The following DNM1L variants were observed in gnomAD, a reference collection of about 807,000 sequenced individuals.
DNM1L encodes the protein dynamin-1-like protein.
A neutral mutation model predicts 92.8 loss-of-function variants in DNM1L; 33 were observed. That is an observed-to-expected ratio of 0.36 (90% CI 0.27 to 0.48). DNM1L has a LOEUF of 0.48. Among genes scored for constraint, DNM1L ranks in the 20% least tolerant of loss-of-function variants. The pLI, the probability that DNM1L is intolerant of heterozygous loss-of-function variation, is 0.99. For synonymous variants in DNM1L, 284 were observed against 305.0 expected (o/e 0.93, Z 0.72); for missense variants, 485 against 888.8 (o/e 0.55, Z 5.78).
intron 1 of DNM1L, among the ~76,000 whole-genome samples, chr12:32,680,552 T>C (rs982888284): frequency 1.3e-5 from 2 of 152,178 alleles, no homozygotes; most frequent in South Asian, 4.1e-4. Context: ...TTTAAATAGT[T>C]GAAGCAATAG....
chr12:32,723,653 C>T (rs1425357033), intron 9 of DNM1L, among the ~76,000 whole-genome samples: 2 of 144,192 alleles, frequency 1.4e-5, no homozygotes, highest in Non-Finnish European at 3.0e-5. Flanking sequence ...GAGATGGTGC[C>T]ACTGCACTCC....
chr12:32,735,787 G>A (rs1954828510), intron 13 of DNM1L, among the ~76,000 whole-genome samples: 1 of 152,018 alleles, frequency 6.6e-6, no homozygotes, highest in South Asian at 2.1e-4. Context: ...GCAGCAGGGA[G>A]AATCCATTGA....
At chr12:32,723,665 G>C (rs10844320) in intron 9 of DNM1L, among the ~76,000 whole-genome samples, 21,924 of 141,248 alleles carry the variant, frequency 0.16, 1,764 homozygotes, top group Middle Eastern at 0.23. Context: ...CTGCACTCCA[G>C]CCTGGGCAAC....
chr12:32,737,590 G>C (rs918205718), intron 14 of DNM1L: 2 of 447,976 alleles, frequency 4.5e-6, no homozygotes, highest in African/African-American at 4.0e-5. Flanking sequence ...CTTTTACCTT[G>C]AATTCTTTGC....
chr12:32,684,915 G>A lies in DNM1L; in HGVS notation c.102+5450G>A, dbSNP rs987174136. On this transcript the variant is annotated intron_variant, in intron 1 of 19. Coordinates refer to ENST00000549701, the MANE Select transcript of DNM1L (RefSeq NM_012062.5). ...AATAAATAATGCTCTGCGAACATTC[G>A]TTTACAAGTTTTTGTGTGAATGTGT... 2.0e-4 allele frequency among the ~76,000 whole-genome samples: 30 copies of A among 150,562 alleles called. 1 individual carries two copies. Among genetic ancestry groups the A allele is most frequent in the African/African-American group, 6.1e-4 (25 of 40,930 alleles).
chr12:32,718,747 A>G lies in DNM1L; in HGVS notation c.724A>G (p.Ile242Val), dbSNP rs2137425119. ...GRVIPVKLGI[I>V]GVVNRSQLDI... ...GGTTATTCCAGTCAAACTTGGAATA[A>G]TTGGAGTAGTTAACAGGTTAGCAGT... Residue 242 changes from isoleucine (I) to valine (V), a missense_variant, in exon 7 of 20, where the codon ATT (isoleucine) becomes GTT (valine). Around this residue, in one of 11 missense-constraint regions of DNM1L, gnomAD observed 159 missense variants for 275.9 expected, o/e 0.58. Coordinates refer to ENST00000549701, the MANE Select transcript of DNM1L (RefSeq NM_012062.5). 6.2e-7 allele frequency: 1 copy of G among 1,613,880 alleles called. No individual in the cohort carries two copies. The highest frequency in any genetic ancestry group is 8.5e-7 in the Non-Finnish European group (1 of 1,179,880).
At chr12:32,730,091 C>T (rs1285263284) in intron 9 of DNM1L, among the ~76,000 whole-genome samples, 2 of 152,088 alleles carry the variant, frequency 1.3e-5, no homozygotes, top group Admixed American at 6.5e-5. Flanking sequence ...TAAGGCTGGG[C>T]GTGGTGGCTC....
Position 32,713,389 on chromosome 12 carries a change from T to C in DNM1L, c.619+18T>C, listed in dbSNP as rs957480374. 14 of 1,612,918 alleles carry C rather than the reference T, an allele frequency of 8.7e-6. No homozygotes were observed. Among genetic ancestry groups the C allele is most frequent in the Non-Finnish European group, 1.2e-5 (14 of 1,179,218 alleles). ...TCCAGATGGTAAGGACAGATGTTAATTTAATGAGATGCTTATTTTACAATG... is the reference window on the plus strand; with the variant it reads ...TCCAGATGGTAAGGACAGATGTTAACTTAATGAGATGCTTATTTTACAATG... On this transcript the variant is annotated intron_variant, in intron 6 of 19. Transcript: ENST00000549701.
chr12:32,739,179 T>C (rs1955110377), intron 16 of DNM1L, among the ~76,000 whole-genome samples: 1 of 152,152 alleles, frequency 6.6e-6, no homozygotes, highest in African/African-American at 2.4e-5. Flanking sequence ...AATATTTTGA[T>C]TCAGAATGAT....
chr12:32,722,553 A>C lies in DNM1L; in HGVS notation c.999A>C (p.Leu333Phe), dbSNP rs1222396350. Residue 333 changes from leucine to phenylalanine, a missense_variant, in exon 9 of 20, where the codon TTA (leucine) becomes TTC (phenylalanine). Leu to Phe is a conservative substitution (Grantham distance 22, BLOSUM62 0). Transcript: ENST00000549701. ...CCGTGGATGATAAAAGTGCTACTTT[A>C]CTCCAACTTATTACCAAATTTGCCA... ...GEPVDDKSAT[L>F]LQLITKFATE... The C allele has an allele frequency of 6.2e-7, 1 of 1,613,488 alleles. No individual in the cohort carries two copies. The highest frequency in any genetic ancestry group is 1.1e-5 in the South Asian group (1 of 91,064).
At position 32,726,268 on chromosome 12, in the gene DNM1L, A is replaced by C; in HGVS notation, c.1079+3635A>C. The C allele has an allele frequency of 3.4e-6, 3 of 893,030 alleles. No individual in the cohort carries two copies. In the Admixed American group the frequency reaches 6.2e-5, roughly 18 times the overall value. The allele number at this position is 893,030 out of a possible 1,614,324, so 55.3% of individuals were successfully genotyped here. A position where few individuals can be genotyped will look rare whatever the true frequency, so the allele number is the denominator to read the frequency against. ...TAAAATATCAGTTTCCTGTCCTTTAAAACAAAAATTACCCAGTCTACCAAG... is the reference window on the plus strand; with the variant it reads ...TAAAATATCAGTTTCCTGTCCTTTACAACAAAAATTACCCAGTCTACCAAG... On this transcript the variant is annotated intron_variant, in intron 9 of 19. Coordinates refer to ENST00000549701, the MANE Select transcript of DNM1L (RefSeq NM_012062.5).
At chr12:32,715,742 A>G (rs1051841548) in intron 6 of DNM1L, among the ~76,000 whole-genome samples, 3 of 152,196 alleles carry the variant, frequency 2.0e-5, no homozygotes, top group African/African-American at 7.2e-5. Flanking sequence ...AAAAAAAGAA[A>G]AATGCTTGTA....
rs1347368948 is a variant in DNM1L, at chr12:32,724,592, AAATATATATAT to A, written c.1079+1961_1079+1971del. On this transcript the variant is annotated intron_variant, in intron 9 of 19. Transcript: ENST00000549701. ...CTCTATCTCCAAAAAAAAAAAAAAA[AAATATATATAT>A]ATATATATATATATATAAATTATAT... Among the ~76,000 whole-genome samples the A allele has an allele frequency of 5.8e-3, 224 of 38,660 alleles. 1 individual carries two copies. The Middle Eastern group carries it at 0.088, about 15-fold the overall frequency. 25.4% of individuals were successfully genotyped at this position (38,660 alleles called of 152,430 possible).
chr12:32,730,320 C>T (rs1354848043), intron 9 of DNM1L, among the ~76,000 whole-genome samples: 2 of 152,170 alleles, frequency 1.3e-5, no homozygotes, highest in African/African-American at 2.4e-5. Context: ...GCCAAGAGCG[C>T]ACCACTGCAC....
intron 1 of DNM1L, chr12:32,679,691 G>A (rs1178623233): frequency 8.1e-7 from 1 of 1,239,764 alleles, no homozygotes; most frequent in African/African-American, 1.6e-5. Context: ...GCCAGGGGCG[G>A]AGCCGGCGCG....
At chr12:32,733,396 C>A in intron 12 of DNM1L, 1 of 262,602 alleles carries the variant, frequency 3.8e-6, no homozygotes, top group Non-Finnish European at 7.3e-6. Context: ...AGCAAAGTTG[C>A]ATAAAGTGTT....
chr12:32,727,159 A>G (rs1445361501), intron 9 of DNM1L: 1 of 816,512 alleles, frequency 1.2e-6, no homozygotes, highest in Non-Finnish European at 2.2e-6. Context: ...TCTGGTTTCC[A>G]TTCACATTCT....
At chr12:32,740,320 A>C (rs1261339994) in intron 17 of DNM1L, 80 bp downstream of exon 17, 2 of 1,611,872 alleles carry the variant, frequency 1.2e-6, no homozygotes, top group Non-Finnish European at 1.7e-6. Context: ...AAGAACTAAA[A>C]GTCTCAAAAA....
intron 16 of DNM1L, among the ~76,000 whole-genome samples, chr12:32,738,724 A>T (rs1278429358): frequency 6.6e-6 from 1 of 152,160 alleles, no homozygotes; most frequent in Non-Finnish European, 1.5e-5. Flanking sequence ...GCTTAAGCAA[A>T]TTAAAAAAAC....
Sources: gnomAD v4.1 joint callset for allele counts (sites outside exome capture counted in the v4.1 genomes callset) on GRCh38, gnomAD v4.1.1 for gene constraint, gnomAD v4.1.1 regional missense constraint, MANE v1.5 for transcripts, NCBI Gene and HGNC (gene_info 2026-07-23, HGNC 2026-07-21) for gene names.